CRIM1: variants seen among roughly 807,000 people sequenced by gnomAD.
The protein encoded by CRIM1 is cysteine-rich motor neuron 1 protein.
In CRIM1, 32 loss-of-function variants were observed where a neutral mutation model predicts 116.4. That is an observed-to-expected ratio of 0.27 (90% CI 0.21 to 0.37). CRIM1 has a LOEUF of 0.37. CRIM1 is among the 10% of genes least tolerant of loss of function. The pLI is 1.00. For synonymous variants in CRIM1, 590 were observed against 509.2 expected, an observed-to-expected ratio of 1.16 and a Z score of -2.13; for missense variants, 1,331 against 1,354.8, an observed-to-expected ratio of 0.98 and a Z score of 0.28.
rs1483227471 is a variant in CRIM1, at chr2:36,356,597, C to G, written c.305C>G (p.Thr102Ser). Residue 102 changes from threonine to serine, a missense_variant, in exon 1 of 17, where the codon ACC becomes AGC. Around this residue, in one of 3 missense-constraint regions of CRIM1, gnomAD observed 690 missense variants for 676.0 expected, o/e 1.02. Coordinates refer to ENST00000280527, the MANE Select transcript of CRIM1 (RefSeq NM_016441.3). This position sits in a 1 kb window ranked among gnomAD's most constrained non-coding sequence, Gnocchi z 4.3. ...CCCCCGCTCAATGGCGACTCCCTCA[C>G]CGAGTACGAAGCGGGCGTTTGCGAA... is the stretch of plus-strand genomic sequence containing the variant. Reference protein sequence around the residue: ...IRPPLNGDSLTEYEAGVCEDE... With the variant: ...IRPPLNGDSLSEYEAGVCEDE... 2.5e-6 allele frequency: 4 copies of G among 1,610,670 alleles called. No individual in the cohort carries two copies. Among genetic ancestry groups the G allele is most frequent in the African/African-American group, 2.7e-5 (2 of 74,840 alleles).
Position 36,537,527 on chromosome 2 carries a change from T to A in CRIM1, c.2604T>A (p.Ser868Arg), listed in dbSNP as rs1666636273. 8.7e-6 allele frequency: 14 copies of A among 1,611,992 alleles called. No individual in the cohort carries two copies. The highest frequency in any genetic ancestry group is 1.2e-5 in the Non-Finnish European group (14 of 1,179,214). ...TTGAGCCCATCAACGTGGAAGGAAGTTGCTGCCCAATGTGTCCAGGTATCT... is the reference window on the plus strand; with the variant it reads ...TTGAGCCCATCAACGTGGAAGGAAGATGCTGCCCAATGTGTCCAGGTATCT... ...PCVEPINVEG[S>R]CCPMCPEMYV... The change falls in exon 14 of 17, where the codon AGT (serine) becomes AGA (arginine). Residue 868 changes from serine to arginine, a missense_variant. Coordinates refer to ENST00000280527, the MANE Select transcript of CRIM1 (RefSeq NM_016441.3).
At position 36,356,753 on chromosome 2, in the gene CRIM1, G is replaced by GC; in HGVS notation, c.331+135dup. 1.1e-6 allele frequency: 1 copy of GC among 877,862 alleles called. No homozygotes were observed. Among genetic ancestry groups the GC allele is most frequent in the Non-Finnish European group, 1.7e-6 (1 of 589,442 alleles). The allele number at this position is 877,862 out of a possible 1,614,324, so 54.4% of individuals were successfully genotyped here. A position where few individuals can be genotyped will look rare whatever the true frequency, so the allele number is the denominator to read the frequency against. On this transcript the variant is annotated intron_variant, in intron 1 of 16. Coordinates refer to ENST00000280527, the MANE Select transcript of CRIM1 (RefSeq NM_016441.3). This position sits in a 1 kb window ranked among gnomAD's most constrained non-coding sequence, Gnocchi z 4.3. ...CTCTGCGGGAAGAGGGGCGGCCGCC[G>GC]CCCCCAGGAGAGTGCCCCCGCGGCC...
chr2:36,452,729 T>C (rs1396204832), intron 4 of CRIM1, among the ~76,000 whole-genome samples: 6 of 152,162 alleles, frequency 3.9e-5, no homozygotes. Context: ...TCTAGCCTTA[T>C]TTTGTATTTG....
At chr2:36,386,736 T>G (rs1019889240) in intron 1 of CRIM1, among the ~76,000 whole-genome samples, 1 of 152,208 alleles carries the variant, frequency 6.6e-6, no homozygotes, top group African/African-American at 2.4e-5. Context: ...ACAATTTCAT[T>G]GTGCTGCTGT....
At chr2:36,516,070 G>C (rs957231653) in intron 11 of CRIM1, among the ~76,000 whole-genome samples, 5 of 152,082 alleles carry the variant, frequency 3.3e-5, no homozygotes, top group Non-Finnish European at 7.4e-5. Context: ...ACTGTCCCTG[G>C]GTCTAAGTTC....
At chr2:36,389,571 G>A (rs891648374) in intron 1 of CRIM1, among the ~76,000 whole-genome samples, 19 of 152,146 alleles carry the variant, frequency 1.2e-4, no homozygotes, top group Non-Finnish European at 2.5e-4. Flanking sequence ...ATCTGCTATA[G>A]CATATTTCTG....
At chr2:36,397,869 C>CA (rs1353935700) in intron 2 of CRIM1, among the ~76,000 whole-genome samples, 2 of 152,170 alleles carry the variant, frequency 1.3e-5, no homozygotes, top group African/African-American at 4.8e-5. Flanking sequence ...TCCTAGAGAA[C>CA]ATTTAGTCCA....
intron 1 of CRIM1, among the ~76,000 whole-genome samples, chr2:36,392,218 A>G (rs182768248): frequency 1.3e-5 from 2 of 152,370 alleles, no homozygotes; most frequent in Non-Finnish European, 2.9e-5. Context: ...TTGAACATAT[A>G]TGAATTTGAA....
At chr2:36,530,961 G>A (rs993206399) in intron 13 of CRIM1, among the ~76,000 whole-genome samples, 2 of 152,192 alleles carry the variant, frequency 1.3e-5, no homozygotes, top group African/African-American at 4.8e-5. Flanking sequence ...GTTCACGTCT[G>A]CATCCCCAAC....
intron 4 of CRIM1, among the ~76,000 whole-genome samples, chr2:36,464,308 A>C (rs1677821665): frequency 1.3e-5 from 2 of 152,342 alleles, no homozygotes; most frequent in African/African-American, 2.4e-5. Context: ...AAAATGGTTA[A>C]AGTTAAAAAT....
chr2:36,525,826 A>G (rs193134074), intron 13 of CRIM1, among the ~76,000 whole-genome samples: 3 of 152,336 alleles, frequency 2.0e-5, no homozygotes, highest in Admixed American at 2.0e-4. Context: ...GTCAAAAAAA[A>G]AGTATGCATG....
intron 2 of CRIM1, among the ~76,000 whole-genome samples, chr2:36,406,935 C>CT (rs1242289684): frequency 1.3e-5 from 2 of 152,130 alleles, no homozygotes; most frequent in Non-Finnish European, 2.9e-5. Flanking sequence ...TTTAGAAACA[C>CT]TAAGTCCTGG....
chr2:36,456,250 C>G (rs1197719604), intron 4 of CRIM1, among the ~76,000 whole-genome samples: 2 of 152,078 alleles, frequency 1.3e-5, no homozygotes, highest in Non-Finnish European at 2.9e-5. Flanking sequence ...GGGCCAGAAC[C>G]CTGTGTATCC....
At chr2:36,522,810 AAAAAAG>A (rs1665492640) in intron 13 of CRIM1, among the ~76,000 whole-genome samples, 1 of 150,754 alleles carries the variant, frequency 6.6e-6, no homozygotes, top group South Asian at 2.1e-4. Context: ...TCAAAAAAAA[AAAAAAG>A]AAGAAGAAGA....
At chr2:36,518,462 G>A (rs1027449052) in intron 12 of CRIM1, among the ~76,000 whole-genome samples, 2 of 151,964 alleles carry the variant, frequency 1.3e-5, no homozygotes, top group Non-Finnish European at 2.9e-5. Context: ...GCCAGAATCT[G>A]TTGTTCCGTC....
Position 36,396,655 on chromosome 2 carries a change from T to G in CRIM1, c.373T>G (p.Cys125Gly). 1.2e-6 allele frequency: 2 copies of G among 1,612,204 alleles called. No homozygotes were observed. Among genetic ancestry groups the G allele is most frequent in the Non-Finnish European group, 1.7e-6 (2 of 1,178,366 alleles). ...TGACCAACTGCTTGGTTTTAAACCA[T>G]GCAATGAAAACCTTATTGCTGGCTG... ...TDDQLLGFKPCNENLIAGCNI... is the reference protein window; with the variant it reads ...TDDQLLGFKPGNENLIAGCNI... Residue 125 changes from cysteine to glycine, a missense_variant, in exon 2 of 17, where the codon TGC becomes GGC. Cys to Gly is a radical substitution (Grantham distance 159). Coordinates refer to ENST00000280527, the MANE Select transcript of CRIM1 (RefSeq NM_016441.3).
intron 7 of CRIM1, among the ~76,000 whole-genome samples, chr2:36,486,675 T>A (rs1679841587): frequency 6.6e-6 from 1 of 152,108 alleles, no homozygotes; most frequent in Non-Finnish European, 1.5e-5. Flanking sequence ...CCTAAAAGGG[T>A]ATTATTGCTG....
At chr2:36,436,138 CATAGA>C (rs1675295735) in intron 2 of CRIM1, among the ~76,000 whole-genome samples, 2 of 151,402 alleles carry the variant, frequency 1.3e-5, no homozygotes. Context: ...ATGGAAAAAA[CATAGA>C]ATAGAGACAG....
chr2:36,449,356 A>G (rs560471606), intron 4 of CRIM1, among the ~76,000 whole-genome samples: 3 of 152,170 alleles, frequency 2.0e-5, no homozygotes, highest in South Asian at 4.2e-4. Context: ...CCCTGGGCTC[A>G]CTCACCACCA....
Sources: allele counts gnomAD v4.1 joint callset (sites outside exome capture counted in the v4.1 genomes callset), GRCh38; gene constraint gnomAD v4.1.1; regional missense constraint gnomAD v4.1.1; non-coding constraint Gnocchi (gnomAD v3.1); transcripts MANE v1.5; gene names NCBI Gene and HGNC (gene_info 2026-07-23, HGNC 2026-07-21).